ZYG11B: variants seen among roughly 807,000 people sequenced by gnomAD.
ZYG11B encodes zyg-11 family member B, cell cycle regulator, also known as protein zyg-11 homolog B.
Under a neutral mutation model 82.4 loss-of-function variants are expected in ZYG11B, and 36 were observed. That is an observed-to-expected ratio of 0.44 (90% CI 0.33 to 0.58). ZYG11B has a LOEUF of 0.58. ZYG11B is among the 20% of genes least tolerant of loss of function. The pLI is 0.02. For synonymous variants in ZYG11B, 303 were observed against 312.8 expected (o/e 0.97, Z 0.33); for missense variants, 552 against 895.6 (o/e 0.62, Z 4.90).
At chr1:52,781,480 C>G (rs1214046873) in intron 4 of ZYG11B, among the ~76,000 whole-genome samples, 1 of 151,748 alleles carries the variant, frequency 6.6e-6, no homozygotes, top group Non-Finnish European at 1.5e-5. Context: ...ACCTGGGTGA[C>G]AGGAGTGAAA....
intron 4 of ZYG11B, 118 bp from the exon 5 acceptor site, chr1:52,784,759 G>C: frequency 8.9e-7 from 1 of 1,128,572 alleles, no homozygotes; most frequent in Non-Finnish European, 1.3e-6. Flanking sequence ...TGCACATGAG[G>C]ATGAAAAAGA....
chr1:52,764,682 G>A (rs1484121798), intron 2 of ZYG11B, among the ~76,000 whole-genome samples: 1 of 152,144 alleles, frequency 6.6e-6, no homozygotes, highest in East Asian at 1.9e-4. Flanking sequence ...GACACAATTA[G>A]GAAGTAAACA....
At chr1:52,734,440 G>GTTT (rs11394003) in intron 1 of ZYG11B, among the ~76,000 whole-genome samples, 1 of 146,514 alleles carries the variant, frequency 6.8e-6, no homozygotes, top group African/African-American at 2.5e-5. Context: ...GGAATAAAAG[G>GTTT]TTTTTTTTTT....
intron 5 of ZYG11B, among the ~76,000 whole-genome samples, chr1:52,787,983 C>T (rs1644928006): frequency 6.6e-6 from 1 of 152,122 alleles, no homozygotes; most frequent in South Asian, 2.1e-4. Flanking sequence ...GACATTGACT[C>T]ACATCTTAAA....
chr1:52,779,430 T>C (rs1314688025), intron 3 of ZYG11B, among the ~76,000 whole-genome samples: 1 of 152,174 alleles, frequency 6.6e-6, no homozygotes, highest in Non-Finnish European at 1.5e-5. Flanking sequence ...TTGGAAAGTA[T>C]AGTCATTTTT....
chr1:52,741,401 A>G (rs1471956531), intron 1 of ZYG11B, among the ~76,000 whole-genome samples: 2 of 152,092 alleles, frequency 1.3e-5, no homozygotes, highest in African/African-American at 4.8e-5. Flanking sequence ...AGTCAGAGAT[A>G]TCTAACATCT....
chr1:52,739,562 A>G (rs1237444950), intron 1 of ZYG11B, among the ~76,000 whole-genome samples: 1 of 152,068 alleles, frequency 6.6e-6, no homozygotes, highest in African/African-American at 2.4e-5. Context: ...CCTTTTTCAC[A>G]CCAGAGACCT....
intron 1 of ZYG11B, among the ~76,000 whole-genome samples, chr1:52,753,583 G>A (rs1379795653): frequency 1.3e-5 from 2 of 151,752 alleles, no homozygotes; most frequent in Non-Finnish European, 2.9e-5. Flanking sequence ...CAACATGCCT[G>A]GCTAATTTTT....
At chr1:52,782,380 CT>C (rs1021637647) in intron 4 of ZYG11B, among the ~76,000 whole-genome samples, 1 of 150,868 alleles carries the variant, frequency 6.6e-6, no homozygotes, top group African/African-American at 2.4e-5. Context: ...GAGTGAGCCA[CT>C]TTTATTTTAT....
At chr1:52,790,198 T>A in intron 6 of ZYG11B, 131 bp downstream of exon 6, 1 of 563,704 alleles carries the variant, frequency 1.8e-6, no homozygotes, top group Non-Finnish European at 2.9e-6. Flanking sequence ...GGTTATTTTA[T>A]AGAATGCTAA....
intron 12 of ZYG11B, among the ~76,000 whole-genome samples, chr1:52,814,704 TACACACAC>T (rs10644507): frequency 2.2e-5 from 2 of 91,952 alleles, no homozygotes; most frequent in African/African-American, 5.3e-5. Flanking sequence ...CAAATGTAAA[TACACACAC>T]ACACACACAC....
chr1:52,793,868 T>TTCCTTTTCTTTCCTTCC (rs1644979935), intron 6 of ZYG11B, among the ~76,000 whole-genome samples: 3 of 95,436 alleles, frequency 3.1e-5, no homozygotes, highest in African/African-American at 1.3e-4. Context: ...CTTTTCTTTC[T>TTCCTTTTCTTTCCTTCC]TTCCTTCCTT....
intron 6 of ZYG11B, among the ~76,000 whole-genome samples, chr1:52,792,365 T>C (rs1269817890): frequency 6.6e-6 from 1 of 152,198 alleles, no homozygotes; most frequent in Non-Finnish European, 1.5e-5. Flanking sequence ...TTCCTGTTAG[T>C]TATGGCACTT....
intron 1 of ZYG11B, among the ~76,000 whole-genome samples, chr1:52,743,122 A>G (rs1053835272): frequency 5.3e-5 from 8 of 152,164 alleles, no homozygotes; most frequent in African/African-American, 1.9e-4. Flanking sequence ...AAAAGGGGGA[A>G]ATGTGGGGAA....
intron 8 of ZYG11B, among the ~76,000 whole-genome samples, chr1:52,800,590 C>T (rs139925360): frequency 1.3e-5 from 2 of 152,076 alleles, no homozygotes; most frequent in African/African-American, 4.8e-5. Context: ...GGGTGGATTA[C>T]CTGAGATCAG....
At chr1:52,795,735 G>A (rs552064313) in intron 6 of ZYG11B, among the ~76,000 whole-genome samples, 21 of 151,708 alleles carry the variant, frequency 1.4e-4, no homozygotes, top group South Asian at 4.2e-4. Context: ...ATTTTTTTCC[G>A]TAGCATATGG....
intron 4 of ZYG11B, among the ~76,000 whole-genome samples, chr1:52,782,969 C>T (rs1254202216): frequency 6.6e-6 from 1 of 150,998 alleles, no homozygotes; most frequent in East Asian, 2.0e-4. Flanking sequence ...CCCTATTGCC[C>T]AGGATGGTGT....
At chr1:52,763,035 A>G (rs1410881726) in intron 2 of ZYG11B, among the ~76,000 whole-genome samples, 3 of 149,534 alleles carry the variant, frequency 2.0e-5, no homozygotes, top group South Asian at 2.1e-4. Flanking sequence ...TCCCAGCACC[A>G]TTTATTGACC....
At chr1:52,732,526 A>G (rs1452786465) in intron 1 of ZYG11B, among the ~76,000 whole-genome samples, 1 of 152,044 alleles carries the variant, frequency 6.6e-6, no homozygotes, top group East Asian at 1.9e-4. Flanking sequence ...TTGGGAGGCC[A>G]AGGCAGACGG....
Sources: gnomAD v4.1 joint callset for allele counts (sites outside exome capture counted in the v4.1 genomes callset) on GRCh38, gnomAD v4.1.1 for gene constraint, MANE v1.5 for transcripts, NCBI Gene and HGNC (gene_info 2026-07-23, HGNC 2026-07-21) for gene names.